The following SPRED1 variants were observed in gnomAD, a reference collection of about 807,000 sequenced individuals.
The protein encoded by SPRED1 is sprouty-related, EVH1 domain-containing protein 1.
Under a neutral mutation model 52.3 loss-of-function variants are expected in SPRED1, and 18 were observed. That is an observed-to-expected ratio of 0.34 (90% CI 0.24 to 0.51). The LOEUF (loss-of-function observed/expected upper bound fraction) is 0.51, where lower values mean the gene tolerates loss of function less well. SPRED1 is among the 20% of genes least tolerant of loss of function. SPRED1 has a pLI of 0.97. For synonymous variants in SPRED1, 155 were observed against 179.7 expected, an observed-to-expected ratio of 0.86 and a Z score of 1.10; for missense variants, 485 against 551.0, an observed-to-expected ratio of 0.88 and a Z score of 1.20.
chr15:38,261,545 G>A (rs187259513), intron 1 of SPRED1, among the ~76,000 whole-genome samples: 2 of 152,224 alleles, frequency 1.3e-5, no homozygotes, highest in Admixed American at 1.3e-4. Context: ...TATGACAGGA[G>A]TTATAATTTG....
chr15:38,260,618 A>G (rs968267793), intron 1 of SPRED1, among the ~76,000 whole-genome samples: 1 of 152,240 alleles, frequency 6.6e-6, no homozygotes, highest in East Asian at 1.9e-4. Flanking sequence ...TTGCTAGAGC[A>G]TATATTTTAA....
chr15:38,345,865 G>GA (rs1161838049), intron 5 of SPRED1, among the ~76,000 whole-genome samples: 1 of 152,110 alleles, frequency 6.6e-6, no homozygotes, highest in Non-Finnish European at 1.5e-5. Context: ...TCACTGTACA[G>GA]ACGTCCTTGA....
intron 1 of SPRED1, among the ~76,000 whole-genome samples, chr15:38,294,544 G>T (rs1361565532): frequency 6.6e-6 from 1 of 152,094 alleles, no homozygotes; most frequent in East Asian, 1.9e-4. Context: ...TAGCCTGGAG[G>T]TCAGAAATAC....
chr15:38,298,240 CTG>C (rs1895077808), intron 1 of SPRED1, among the ~76,000 whole-genome samples: 1 of 152,130 alleles, frequency 6.6e-6, no homozygotes, highest in Non-Finnish European at 1.5e-5. Context: ...GCATCTGAAA[CTG>C]TCATACATTA....
At chr15:38,256,672 T>A (rs1339316280) in intron 1 of SPRED1, among the ~76,000 whole-genome samples, 1 of 152,160 alleles carries the variant, frequency 6.6e-6, no homozygotes, top group African/African-American at 2.4e-5. Context: ...TTTGAACTGT[T>A]TTTCCGTAAA....
chr15:38,293,280 A>G (rs1894963108), intron 1 of SPRED1, among the ~76,000 whole-genome samples: 1 of 151,716 alleles, frequency 6.6e-6, no homozygotes. Flanking sequence ...TTGTATCTTT[A>G]GTAGAGACAA....
At chr15:38,340,828 C>T (rs1050322228) in intron 5 of SPRED1, among the ~76,000 whole-genome samples, 1 of 152,120 alleles carries the variant, frequency 6.6e-6, no homozygotes, top group Non-Finnish European at 1.5e-5. Flanking sequence ...CTGCACCTGG[C>T]CCCTTTCTTA....
chr15:38,270,166 C>G (rs1475572285), intron 1 of SPRED1, among the ~76,000 whole-genome samples: 1 of 152,194 alleles, frequency 6.6e-6, no homozygotes, highest in Admixed American at 6.5e-5. Flanking sequence ...CTCGGCCTCC[C>G]AAAGTACTGG....
intron 4 of SPRED1, among the ~76,000 whole-genome samples, chr15:38,336,284 G>A (rs147332811): frequency 6.6e-6 from 1 of 151,002 alleles, no homozygotes; most frequent in East Asian, 1.9e-4. Flanking sequence ...ATACGAAAAA[G>A]TTTCTTGCAT....
At chr15:38,255,138 G>C (rs1046608016) in intron 1 of SPRED1, among the ~76,000 whole-genome samples, 1 of 152,094 alleles carries the variant, frequency 6.6e-6, no homozygotes, top group African/African-American at 2.4e-5. Context: ...AATAAATTGA[G>C]ACAACAGGTT....
intron 1 of SPRED1, among the ~76,000 whole-genome samples, chr15:38,261,825 C>T (rs1337138760): frequency 6.6e-6 from 1 of 152,198 alleles, no homozygotes; most frequent in Non-Finnish European, 1.5e-5. Context: ...GAATTACATT[C>T]ACAAATACAG....
At chr15:38,336,437 A>G (rs1566871749) in intron 4 of SPRED1, among the ~76,000 whole-genome samples, 1 of 32,638 alleles carries the variant, frequency 3.1e-5, no homozygotes, top group African/African-American at 5.8e-5. Context: ...TATATATATA[A>G]TATTATATAT....
chr15:38,304,659 G>C (rs1478506514), intron 2 of SPRED1, among the ~76,000 whole-genome samples: 2 of 151,960 alleles, frequency 1.3e-5, no homozygotes, highest in Admixed American at 6.6e-5. Flanking sequence ...ATCATTCTTG[G>C]CTACTTTTCT....
intron 4 of SPRED1, among the ~76,000 whole-genome samples, chr15:38,337,047 A>G (rs1424691964): frequency 6.6e-6 from 1 of 152,226 alleles, no homozygotes; most frequent in Non-Finnish European, 1.5e-5. Context: ...GAAGTGGTCA[A>G]AATGTGTGAA....
chr15:38,325,604 C>T (rs752552547), intron 4 of SPRED1, among the ~76,000 whole-genome samples: 1 of 152,026 alleles, frequency 6.6e-6, no homozygotes, highest in Non-Finnish European at 1.5e-5. Context: ...TTTTCTTATG[C>T]CTTTCAACTA....
intron 1 of SPRED1, among the ~76,000 whole-genome samples, chr15:38,261,856 A>T (rs1894211987): frequency 6.6e-6 from 1 of 152,234 alleles, no homozygotes; most frequent in African/African-American, 2.4e-5. Context: ...TGACTTCTAT[A>T]TATTAGCATC....
intron 2 of SPRED1, among the ~76,000 whole-genome samples, chr15:38,310,449 GAATATTCTTGTATGTATCTAC>G (rs2140986463): frequency 6.6e-6 from 1 of 152,134 alleles, no homozygotes; most frequent in Non-Finnish European, 1.5e-5. Context: ...CCAAATTTTA[GAATATTCTTGTATGTATCTAC>G]AAAAAAACCT....
chr15:38,343,901 T>C (rs1437053123), intron 5 of SPRED1, among the ~76,000 whole-genome samples: 2 of 152,144 alleles, frequency 1.3e-5, no homozygotes, highest in Non-Finnish European at 1.5e-5. Context: ...TTTATGTATG[T>C]TATCCAAATT....
At chr15:38,259,749 A>G (rs1208442923) in intron 1 of SPRED1, among the ~76,000 whole-genome samples, 9 of 152,226 alleles carry the variant, frequency 5.9e-5, no homozygotes, top group Non-Finnish European at 1.5e-5. Flanking sequence ...GGATAACTGT[A>G]TATTAGTTTA....
Sources: allele counts gnomAD v4.1 joint callset (sites outside exome capture counted in the v4.1 genomes callset), GRCh38; gene constraint gnomAD v4.1.1; transcripts MANE v1.5; gene names NCBI Gene and HGNC (gene_info 2026-07-23, HGNC 2026-07-21).